LRRIQ3: variants seen among roughly 807,000 people sequenced by gnomAD.
LRRIQ3 encodes the protein leucine-rich repeat and IQ domain-containing protein 3.
LRRIQ3 carries 75 observed loss-of-function variants against 59.3 expected under a neutral mutation model. The ratio of observed to expected loss-of-function variants is 1.26; its 90% CI spans 1.05 to 1.53. The LOEUF (loss-of-function observed/expected upper bound fraction) is 1.53, where lower values mean the gene tolerates loss of function less well. Among genes scored for constraint, LRRIQ3 ranks in the 40% most tolerant of loss-of-function variants. The probability of loss-of-function intolerance (pLI) is 0.00; values close to 1 mark genes in which losing one functional copy is unlikely to be tolerated. For synonymous variants in LRRIQ3, 250 were observed against 231.3 expected, an observed-to-expected ratio of 1.08 and a Z score of -0.73; for missense variants, 831 against 710.0, an observed-to-expected ratio of 1.17 and a Z score of -1.94.
intron 5 of LRRIQ3, among the ~76,000 whole-genome samples, chr1:74,086,537 G>A (rs1646329197): frequency 6.6e-6 from 1 of 152,170 alleles, no homozygotes; most frequent in South Asian, 2.1e-4. Context: ...TACTAGCCCA[G>A]TCCAAATTCT....
At chr1:74,171,814 G>GT (rs1295005670) in intron 3 of LRRIQ3, among the ~76,000 whole-genome samples, 1 of 152,082 alleles carries the variant, frequency 6.6e-6, no homozygotes, top group Non-Finnish European at 1.5e-5. Context: ...TTTGTTATAG[G>GT]TATGTTCAAG....
At chr1:74,083,595 G>A (rs1468805438) in intron 5 of LRRIQ3, 1 of 151,724 alleles carries the variant, frequency 6.6e-6, no homozygotes, top group Non-Finnish European at 1.5e-5. Context: ...CTAGACCAGA[G>A]AGCATCAGTG....
At chr1:74,128,002 A>C (rs1646960746) in intron 4 of LRRIQ3, among the ~76,000 whole-genome samples, 1 of 151,998 alleles carries the variant, frequency 6.6e-6, no homozygotes, top group South Asian at 2.1e-4. Context: ...ATTCTAGGAT[A>C]CAGCTTTTTT....
At chr1:74,191,574 C>A (rs1650771213) in intron 1 of LRRIQ3, among the ~76,000 whole-genome samples, 1 of 151,914 alleles carries the variant, frequency 6.6e-6, no homozygotes, top group African/African-American at 2.4e-5. Flanking sequence ...TTCAAAAGAA[C>A]AGAAGCCATG....
At chr1:74,107,210 CAGG>C (rs1553166818) in intron 5 of LRRIQ3, among the ~76,000 whole-genome samples, 1 of 152,008 alleles carries the variant, frequency 6.6e-6, no homozygotes, top group Non-Finnish European at 1.5e-5. Flanking sequence ...TATTCCCAAA[CAGG>C]AGAAGATTCA....
chr1:74,129,968 C>G (rs184665697), intron 4 of LRRIQ3, among the ~76,000 whole-genome samples: 1 of 149,552 alleles, frequency 6.7e-6, no homozygotes, highest in Middle Eastern at 3.4e-3. Context: ...GTTGCCCCCC[C>G]ACCAAAAAAA....
intron 1 of LRRIQ3, among the ~76,000 whole-genome samples, chr1:74,190,781 T>TA (rs1407286673): frequency 2.6e-5 from 4 of 152,058 alleles, no homozygotes; most frequent in Non-Finnish European, 5.9e-5. Flanking sequence ...AAAGAATTTT[T>TA]AAAAAATCTT....
intron 5 of LRRIQ3, chr1:74,084,213 T>TA: frequency 6.5e-7 from 1 of 1,546,460 alleles, no homozygotes; most frequent in Non-Finnish European, 8.7e-7. Flanking sequence ...AATTTTTTTT[T>TA]ATCCTGAAGA....
intron 1 of LRRIQ3, among the ~76,000 whole-genome samples, chr1:74,192,019 A>C (rs1650797127): frequency 1.3e-5 from 2 of 152,026 alleles, no homozygotes; most frequent in African/African-American, 4.8e-5. Flanking sequence ...AAGAGTCCAT[A>C]AAGATCTATA....
intron 5 of LRRIQ3, among the ~76,000 whole-genome samples, chr1:74,093,121 A>C (rs1646412230): frequency 6.6e-6 from 1 of 151,078 alleles, no homozygotes; most frequent in Admixed American, 6.6e-5. Context: ...AATGAAATGT[A>C]TTACCAAAAA....
intron 3 of LRRIQ3, among the ~76,000 whole-genome samples, chr1:74,165,806 A>G (rs1648946177): frequency 6.6e-6 from 1 of 151,492 alleles, no homozygotes; most frequent in Admixed American, 6.6e-5. Context: ...AAATTTGTCA[A>G]ATTTTTTTCT....
chr1:74,154,195 C>G (rs959296547), intron 4 of LRRIQ3, among the ~76,000 whole-genome samples: 14 of 132,804 alleles, frequency 1.1e-4, no homozygotes, highest in African/African-American at 4.1e-4. Context: ...GAGCCGAGAT[C>G]GCGCCACTGC....
chr1:74,183,625 A>G lies in LRRIQ3; in HGVS notation c.60T>C (p.Asn20=). Residue 20 remains asparagine, a synonymous_variant, in exon 2 of 8, where the codon AAT becomes AAC. Transcript: ENST00000354431. ...CTTTTTGACCTTCTCTTATGTTTTCATTATAGTGACTCCATTCTTCATGAC... is the reference window on the plus strand; with the variant it reads ...CTTTTTGACCTTCTCTTATGTTTTCGTTATAGTGACTCCATTCTTCATGAC... ...LTSHEEWSHY[N]ENIREGQKDF... 6.2e-7 allele frequency: 1 copy of G among 1,611,730 alleles called. No homozygotes were observed. The highest frequency in any genetic ancestry group is 1.1e-5 in the South Asian group (1 of 90,870).
At chr1:74,086,802 G>T (rs996137475) in intron 5 of LRRIQ3, among the ~76,000 whole-genome samples, 2 of 151,922 alleles carry the variant, frequency 1.3e-5, no homozygotes, top group Non-Finnish European at 2.9e-5. Flanking sequence ...TAAAGAGAAT[G>T]GTGAACAGAC....
intron 3 of LRRIQ3, among the ~76,000 whole-genome samples, chr1:74,174,144 T>A (rs1460377240): frequency 1.3e-5 from 2 of 152,134 alleles, no homozygotes; most frequent in African/African-American, 4.8e-5. Flanking sequence ...TTGTAAGATA[T>A]CCATAATGCG....
intron 6 of LRRIQ3, among the ~76,000 whole-genome samples, chr1:74,055,616 G>C (rs911730031): frequency 6.6e-6 from 1 of 152,034 alleles, no homozygotes; most frequent in Non-Finnish European, 1.5e-5. Context: ...CTGGTTGATG[G>C]ATATTTGATT....
At position 74,041,212 on chromosome 1, in the gene LRRIQ3, CCTAA is replaced by C. The variant is rs1482482032; in HGVS notation, c.1715_1718del (p.Val572AspfsTer18). On this transcript the variant is annotated frameshift_variant and splice_region_variant, in exon 7 of 8. Coordinates refer to ENST00000354431, the MANE Select transcript of LRRIQ3 (RefSeq NM_001105659.2). LOFTEE classifies it low-confidence loss of function (END_TRUNC). ...CTCTGTTATATCTAAATTGTACCTA[CCTAA>C]CTTTTTTCATTTCTTTAAGTAAATT... 9.0e-6 allele frequency: 14 copies of C among 1,561,726 alleles called. No individual in the cohort carries two copies. The highest frequency in any genetic ancestry group is 1.2e-5 in the Non-Finnish European group (14 of 1,152,108).
chr1:74,065,652 C>T (rs1238127604), intron 6 of LRRIQ3, among the ~76,000 whole-genome samples: 3 of 152,044 alleles, frequency 2.0e-5, no homozygotes, highest in African/African-American at 7.2e-5. Flanking sequence ...AAATGGCACA[C>T]TTATATTTGC....
intron 3 of LRRIQ3, among the ~76,000 whole-genome samples, chr1:74,162,030 T>C (rs1487068492): frequency 6.6e-6 from 1 of 151,922 alleles, no homozygotes; most frequent in Admixed American, 6.6e-5. Flanking sequence ...GCTAGCTGTG[T>C]ATTATAGGGT....
Sources: allele counts gnomAD v4.1 joint callset (sites outside exome capture counted in the v4.1 genomes callset), GRCh38; gene constraint gnomAD v4.1.1; transcripts MANE v1.5; gene names NCBI Gene and HGNC (gene_info 2026-07-23, HGNC 2026-07-21).